NCS1: variants seen among roughly 807,000 people sequenced by gnomAD.
NCS1 encodes the protein neuronal calcium sensor 1.
In NCS1, 6 loss-of-function variants were observed where a neutral mutation model predicts 28.4. The ratio of observed to expected loss-of-function variants is 0.21; its 90% confidence interval spans 0.12 to 0.42. NCS1 has a LOEUF of 0.42. NCS1 is among the 10% of genes least tolerant of loss of function. NCS1 has a pLI of 1.00. For synonymous variants in NCS1, 86 were observed against 99.3 expected (o/e 0.87, Z 0.79); for missense variants, 131 against 241.4 (o/e 0.54, Z 3.03).
intron 1 of NCS1, among the ~76,000 whole-genome samples, chr9:130,183,994 C>T (rs1735740826): frequency 6.6e-6 from 1 of 151,826 alleles, no homozygotes; most frequent in South Asian, 2.1e-4. Context: ...TGTTTTTTAG[C>T]AGAGATGGGG....
rs894060932 is a variant in NCS1, at chr9:130,186,613, G to A, written c.64+13886G>A. Reference sequence around the variant, plus strand: ...CCCGAACCCCCAGCCCCAGGAAGGGGTGGGAGACACAGAGCTGGTCTCCAT... The same window carrying A: ...CCCGAACCCCCAGCCCCAGGAAGGGATGGGAGACACAGAGCTGGTCTCCAT... On this transcript the variant is annotated intron_variant, in intron 1 of 7. Transcript: ENST00000372398. The surrounding 1 kb of genome is among the most constrained non-coding windows in gnomAD (Gnocchi z 4.1). Among the ~76,000 whole-genome samples, 4 of 152,152 alleles carry A rather than the reference G, an allele frequency of 2.6e-5. No individual in the cohort carries two copies. Among genetic ancestry groups the A allele is most frequent in the African/African-American group, 9.7e-5 (4 of 41,436 alleles).
At chr9:130,207,364 T>C (rs575848660) in intron 2 of NCS1, among the ~76,000 whole-genome samples, 1 of 152,338 alleles carries the variant, frequency 6.6e-6, no homozygotes, top group South Asian at 2.1e-4. Context: ...CACCGTGCAC[T>C]GGCCACACTT....
At chr9:130,185,339 A>G (rs1033957015) in intron 1 of NCS1, among the ~76,000 whole-genome samples, 1 of 152,262 alleles carries the variant, frequency 6.6e-6, no homozygotes, top group Non-Finnish European at 1.5e-5. Flanking sequence ...ACAAGTACAT[A>G]AACGAGCAAG....
intron 1 of NCS1, among the ~76,000 whole-genome samples, chr9:130,183,149 G>A (rs1051721466): frequency 6.6e-6 from 1 of 152,240 alleles, no homozygotes; most frequent in Admixed American, 6.5e-5. Flanking sequence ...GTCGGGGAAG[G>A]GGGACAGCCA....
rs1214031041 is a variant in NCS1, at chr9:130,191,595, C to T, written c.65-9363C>T. On this transcript the variant is annotated intron_variant, in intron 1 of 7. Coordinates refer to ENST00000372398, the MANE Select transcript of NCS1 (RefSeq NM_014286.4). The surrounding 1 kb of genome is among the most constrained non-coding windows in gnomAD (Gnocchi z 6.4). ...TGGGCATGGGGCTCCCCTGATGAGC[C>T]CAGGTGCCTCATCCTGAGACAGATA... Among the ~76,000 whole-genome samples the T allele has an allele frequency of 6.6e-6, 1 of 152,122 alleles. No individual in the cohort carries two copies. The highest frequency in any genetic ancestry group is 1.5e-5 in the Non-Finnish European group (1 of 68,002).
chr9:130,179,556 G>A (rs1217523369), intron 1 of NCS1, among the ~76,000 whole-genome samples: 4 of 152,106 alleles, frequency 2.6e-5, no homozygotes, highest in African/African-American at 9.7e-5. Context: ...AAAAGGCTGG[G>A]GATGTTTTGA....
rs117602805 is a variant in NCS1, at chr9:130,193,100, C to T, written c.65-7858C>T. Among the ~76,000 whole-genome samples, 63 of 152,274 alleles carry T rather than the reference C, an allele frequency of 4.1e-4. No homozygotes were observed. In the East Asian group the frequency reaches 8.3e-3, roughly 20 times the overall value. ...CGGTGTGGGGGCAGGAGGGTGTGTG[C>T]GGCCAGCGGTGCACTCCCTCCGCTC... On this transcript the variant is annotated intron_variant, in intron 1 of 7. Coordinates refer to ENST00000372398, the MANE Select transcript of NCS1 (RefSeq NM_014286.4).
Position 130,211,406 on chromosome 9 carries a change from G to A in NCS1, c.90-6426G>A, listed in dbSNP as rs543706625. Among the ~76,000 whole-genome samples, 9 of 151,374 alleles carry A rather than the reference G, an allele frequency of 5.9e-5. No homozygotes were observed. The South Asian group carries it at 1.5e-3, about 25-fold the overall frequency. ...CTGACCATGCTGAGCACCTTGAGTC[G>A]CCAGTCTGCAGGGAGACTCGGGATA... On this transcript the variant is annotated intron_variant, in intron 2 of 7. Coordinates refer to ENST00000372398, the MANE Select transcript of NCS1 (RefSeq NM_014286.4).
chr9:130,225,435 T>G (rs1833397882), intron 6 of NCS1, among the ~76,000 whole-genome samples: 2 of 152,250 alleles, frequency 1.3e-5, no homozygotes, highest in Non-Finnish European at 2.9e-5. Context: ...ATAATAAGTT[T>G]CTCGTGGTGT....
At chr9:130,199,635 C>T (rs1422195780) in intron 1 of NCS1, among the ~76,000 whole-genome samples, 1 of 152,250 alleles carries the variant, frequency 6.6e-6, no homozygotes, top group Non-Finnish European at 1.5e-5. Flanking sequence ...CATCCTCCCT[C>T]CATGCTGTCA....
chr9:130,189,879 A>AAAAAAAAATATATATATAT (rs1554906056), intron 1 of NCS1, among the ~76,000 whole-genome samples: 2 of 37,744 alleles, frequency 5.3e-5, no homozygotes, highest in African/African-American at 2.3e-4. Flanking sequence ...AAAAAAAAAA[A>AAAAAAAAATATATATATAT]ATATATATAT....
In NCS1 at chr9:130,175,625, C is replaced by T. The variant is rs1212874887; in HGVS notation, c.64+2898C>T. Among the ~76,000 whole-genome samples the T allele has an allele frequency of 2.0e-5, 3 of 152,130 alleles. No individual in the cohort carries two copies. Among genetic ancestry groups the T allele is most frequent in the Admixed American group, 6.5e-5 (1 of 15,278 alleles). On this transcript the variant is annotated intron_variant, in intron 1 of 7. Transcript: ENST00000372398. This position sits in a 1 kb window ranked among gnomAD's most constrained non-coding sequence, Gnocchi z 4.9. ...TAGAGGGGAGCCATGGGTCCACGTCCGAGTCGGTGCTGGGCAGTGTCCTTG... is the reference window on the plus strand; with the variant it reads ...TAGAGGGGAGCCATGGGTCCACGTCTGAGTCGGTGCTGGGCAGTGTCCTTG...
At chr9:130,204,430 A>C (rs1554907830) in intron 2 of NCS1, among the ~76,000 whole-genome samples, 1 of 152,174 alleles carries the variant, frequency 6.6e-6, no homozygotes, top group African/African-American at 2.4e-5. Context: ...CTGGGACTAC[A>C]GGCATTTACC....
chr9:130,225,453 C>T (rs1010862485), intron 6 of NCS1, among the ~76,000 whole-genome samples: 4 of 152,270 alleles, frequency 2.6e-5, no homozygotes, highest in Admixed American at 6.5e-5. Context: ...TGTGCGTCCA[C>T]GTGGCTTAAG....
At chr9:130,210,843 C>CTTTTCTTTTTT (rs1554908687) in intron 2 of NCS1, among the ~76,000 whole-genome samples, 3 of 141,040 alleles carry the variant, frequency 2.1e-5, no homozygotes, top group African/African-American at 7.8e-5. Flanking sequence ...TTTTTCTTTT[C>CTTTTCTTTTTT]TTTTTTTTTT....
intron 4 of NCS1, among the ~76,000 whole-genome samples, chr9:130,220,984 T>G (rs7870069): frequency 0.94 from 143,153 of 151,994 alleles, 67,417 homozygotes; most frequent in East Asian, 1. Flanking sequence ...CAGCCACTGA[T>G]ACCTCGGCCC....
At position 130,235,497 on chromosome 9, in the gene NCS1, G is replaced by A. The variant is rs1468396919; in HGVS notation, c.*2525G>A. 6.6e-6 allele frequency: 1 copy of A among 152,650 alleles called. No homozygotes were observed. The highest frequency in any genetic ancestry group is 2.4e-5 in the African/African-American group (1 of 41,452). 9.5% of individuals were successfully genotyped at this position (152,650 alleles called of 1,614,324 possible). ...GCATGTGGACCCCTTCGGTGTGTCC[G>A]GCCTTCCTCCATCGTCCTGCCCTTT... On this transcript the variant is annotated 3_prime_UTR_variant, in exon 8 of 8. Coordinates refer to ENST00000372398, the MANE Select transcript of NCS1 (RefSeq NM_014286.4).
intron 2 of NCS1, among the ~76,000 whole-genome samples, chr9:130,201,318 G>A (rs1468741102): frequency 6.6e-6 from 1 of 152,186 alleles, no homozygotes; most frequent in East Asian, 1.9e-4. Flanking sequence ...GACCTTGAGA[G>A]GTCCTTTCCC....
chr9:130,183,228 G>A (rs1181697107), intron 1 of NCS1, among the ~76,000 whole-genome samples: 3 of 152,302 alleles, frequency 2.0e-5, no homozygotes, highest in Non-Finnish European at 2.9e-5. Context: ...TCTCAGGGCC[G>A]CAGTCTCTCC....
Sources: allele counts gnomAD v4.1 joint callset (sites outside exome capture counted in the v4.1 genomes callset), GRCh38; gene constraint gnomAD v4.1.1; non-coding constraint Gnocchi (gnomAD v3.1); transcripts MANE v1.5; gene names NCBI Gene and HGNC (gene_info 2026-07-23, HGNC 2026-07-21).